Variants in SLAIN2 observed in about 807,000 individuals in gnomAD.
SLAIN2 encodes the protein SLAIN family member 2, also known as SLAIN motif-containing protein 2.
In SLAIN2, 31 loss-of-function variants were observed where a neutral mutation model predicts 56.6. The ratio of observed to expected loss-of-function variants is 0.55; its 90% CI spans 0.41 to 0.74. SLAIN2 has a LOEUF of 0.74. Among genes scored for constraint, SLAIN2 ranks in the 30% least tolerant of loss-of-function variants. The pLI is 0.00. For synonymous variants in SLAIN2, 317 were observed against 284.9 expected, an observed-to-expected ratio of 1.11 and a Z score of -1.13; for missense variants, 777 against 754.2, an observed-to-expected ratio of 1.03 and a Z score of -0.35.
intron 6 of SLAIN2, among the ~76,000 whole-genome samples, chr4:48,397,821 C>A (rs1379791057): frequency 6.6e-6 from 1 of 152,148 alleles, no homozygotes; most frequent in Non-Finnish European, 1.5e-5. Context: ...TATGTCCCTG[C>A]AAAGGACATG....
chr4:48,349,854 G>A (rs995302762), intron 1 of SLAIN2, among the ~76,000 whole-genome samples: 1 of 152,140 alleles, frequency 6.6e-6, no homozygotes, highest in Non-Finnish European at 1.5e-5. Flanking sequence ...CATAGGTGGA[G>A]CACTGTGCTG....
chr4:48,368,035 C>A (rs1029160560), intron 1 of SLAIN2, among the ~76,000 whole-genome samples: 2 of 93,724 alleles, frequency 2.1e-5, no homozygotes, highest in Non-Finnish European at 4.2e-5. Context: ...ATTCACTGAA[C>A]GTAGTGTTTT....
intron 5 of SLAIN2, 100 bp from the exon 6 acceptor site, chr4:48,383,547 G>C: frequency 9.2e-7 from 1 of 1,085,988 alleles, no homozygotes; most frequent in Non-Finnish European, 1.3e-6. Flanking sequence ...AAAATAAACA[G>C]AATGTTTGAT....
At chr4:48,403,754 T>TC (rs1716619145) in intron 6 of SLAIN2, among the ~76,000 whole-genome samples, 1 of 152,178 alleles carries the variant, frequency 6.6e-6, no homozygotes, top group Non-Finnish European at 1.5e-5. Context: ...CCTAGGGTAA[T>TC]GCATGGAGGG....
chr4:48,394,356 C>T (rs1367236748), intron 6 of SLAIN2, among the ~76,000 whole-genome samples: 1 of 152,128 alleles, frequency 6.6e-6, no homozygotes, highest in Non-Finnish European at 1.5e-5. Flanking sequence ...GTAAGAAACT[C>T]TTTTTTAAAG....
rs187784977 is a variant in SLAIN2, at chr4:48,358,595, C to T, written c.390-11254C>T. Among the ~76,000 whole-genome samples, 1,407 of 152,232 alleles carry T rather than the reference C, an allele frequency of 9.2e-3. 11 individuals carry two copies. Among genetic ancestry groups the T allele is most frequent in the Non-Finnish European group, 0.015 (1,002 of 68,006 alleles). On this transcript the variant is annotated intron_variant, in intron 1 of 7. Coordinates refer to ENST00000264313, the MANE Select transcript of SLAIN2 (RefSeq NM_020846.2). The stretch of plus-strand genomic sequence containing the variant: ...TCTCCCAGAGTGCTGGGATTACAGG[C>T]GTGAGCCACTGCGCGCGGCCCAACA...
intron 6 of SLAIN2, among the ~76,000 whole-genome samples, chr4:48,385,965 G>C (rs1416348631): frequency 6.7e-6 from 1 of 149,466 alleles, no homozygotes; most frequent in Non-Finnish European, 1.5e-5. Context: ...TAATTACCCA[G>C]GCATGATGGT....
chr4:48,342,160 G>A (rs1714729188), intron 1 of SLAIN2, 32 bp downstream of exon 1: 4 of 1,334,386 alleles, frequency 3.0e-6, no homozygotes, highest in Non-Finnish European at 3.8e-6. Flanking sequence ...GGAGCTGGGC[G>A]GGGACGGGCC....
rs1715866525 is a variant in SLAIN2 at position 48,377,969 on chromosome 4, C to T, written c.612C>T (p.Ala204=). ...MSYTSPYSPN[A]SSPYSSGFNS... ...ACACCAGTCCTTACAGTCCAAATGC[C>T]AGTAGCCCATACAGCAGTGGCTTCA... Residue 204 remains alanine (A), a synonymous_variant, in exon 3 of 8, where the codon GCC becomes GCT. Transcript: ENST00000264313. The T allele has an allele frequency of 1.2e-6, 2 of 1,613,774 alleles. No homozygotes were observed. The highest frequency in any genetic ancestry group is 2.7e-5 in the African/African-American group (2 of 74,896).
Position 48,356,979 on chromosome 4 carries a change from C to T in SLAIN2, c.390-12870C>T, listed in dbSNP as rs144446070. Among the ~76,000 whole-genome samples, 1,091 of 152,126 alleles carry T rather than the reference C, an allele frequency of 7.2e-3. 6 individuals are homozygous for T. The highest frequency in any genetic ancestry group is 0.011 in the Admixed American group (167 of 15,270). On this transcript the variant is annotated intron_variant, in intron 1 of 7. Transcript: ENST00000264313. ...CATACTGTTTATATACACATATATT[C>T]TACCCTGCAACTAATGTCACTTCAG...
At chr4:48,344,929 A>G (rs114347231) in intron 1 of SLAIN2, among the ~76,000 whole-genome samples, 1,742 of 152,238 alleles carry the variant, frequency 0.011, 17 homozygotes, top group Non-Finnish European at 0.018. Context: ...CACTTGAAAA[A>G]CACTGTTTCT....
chr4:48,415,366 A>C lies in SLAIN2; in HGVS notation c.1361-4759A>C, dbSNP rs1391673371. Among the ~76,000 whole-genome samples, 198 of 66,122 alleles carry C rather than the reference A, an allele frequency of 3.0e-3. 33 individuals are homozygous for C. Among genetic ancestry groups the C allele is most frequent in the African/African-American group, 9.7e-3 (192 of 19,696 alleles). 43.4% of individuals were successfully genotyped at this position (66,122 alleles called of 152,430 possible). A position where few individuals can be genotyped will look rare whatever the true frequency, so the allele number is the denominator to read the frequency against. ...GCTGCATAAATGTCTTCTTTTGAGAAGTGTCTGTTCATATCCTTCACCCAC... is the reference window on the plus strand; with the variant it reads ...GCTGCATAAATGTCTTCTTTTGAGACGTGTCTGTTCATATCCTTCACCCAC... On this transcript the variant is annotated intron_variant, in intron 6 of 7. Coordinates refer to ENST00000264313, the MANE Select transcript of SLAIN2 (RefSeq NM_020846.2).
intron 6 of SLAIN2, 118 bp downstream of exon 6, chr4:48,383,902 C>A: frequency 9.0e-7 from 1 of 1,114,050 alleles, no homozygotes; most frequent in Non-Finnish European, 1.3e-6. Flanking sequence ...TAAACCATAG[C>A]TATAGTAAAA....
intron 1 of SLAIN2, among the ~76,000 whole-genome samples, chr4:48,366,705 C>G (rs1296823499): frequency 1.3e-5 from 2 of 152,168 alleles, no homozygotes; most frequent in Non-Finnish European, 2.9e-5. Context: ...TTAATCCAGT[C>G]TATCTGCATT....
chr4:48,384,155 C>A (rs1364992981), intron 6 of SLAIN2, among the ~76,000 whole-genome samples: 2 of 152,124 alleles, frequency 1.3e-5, no homozygotes, highest in African/African-American at 4.8e-5. Flanking sequence ...CGTAAATTTT[C>A]TTTAATAACC....
chr4:48,382,139 T>A (rs1236870632), intron 4 of SLAIN2, among the ~76,000 whole-genome samples: 1 of 152,214 alleles, frequency 6.6e-6, no homozygotes, highest in African/African-American at 2.4e-5. Flanking sequence ...TAAGATTATT[T>A]CAGTAATTAA....
Position 48,341,974 on chromosome 4 carries a change from C to G in SLAIN2, c.235C>G (p.Pro79Ala), listed in dbSNP as rs1384193113. The G allele has an allele frequency of 3.5e-6, 5 of 1,432,140 alleles. No homozygotes were observed. The highest frequency in any genetic ancestry group is 4.5e-6 in the Non-Finnish European group (5 of 1,099,116). 88.7% of individuals were successfully genotyped at this position (1,432,140 alleles called of 1,614,324 possible). A position where few individuals can be genotyped will look rare whatever the true frequency, so the allele number is the denominator to read the frequency against. ...LGLSAKSGGG[P>A]GSGPRRTSSE... ...CCTCAGCGCCAAGTCGGGCGGCGGGCCCGGGTCGGGCCCGAGGCGGACGAG... is the reference window on the plus strand; with the variant it reads ...CCTCAGCGCCAAGTCGGGCGGCGGGGCCGGGTCGGGCCCGAGGCGGACGAG... The change falls in exon 1 of 8, where the codon CCC becomes GCC. Residue 79 changes from proline to alanine, a missense_variant. By Grantham distance (27) the Pro-to-Ala change is conservative. Transcript: ENST00000264313.
chr4:48,347,469 G>A (rs544140828), intron 1 of SLAIN2, among the ~76,000 whole-genome samples: 1 of 151,928 alleles, frequency 6.6e-6, no homozygotes, highest in Non-Finnish European at 1.5e-5. Context: ...GGCTGGTCTC[G>A]AACTCCTGGG....
chr4:48,409,549 C>T (rs1716792423), intron 6 of SLAIN2, among the ~76,000 whole-genome samples: 2 of 152,214 alleles, frequency 1.3e-5, no homozygotes. Context: ...CCATTCATCA[C>T]TTGGTGGATA....
Sources: allele counts gnomAD v4.1 joint callset (sites outside exome capture counted in the v4.1 genomes callset), GRCh38; gene constraint gnomAD v4.1.1; transcripts MANE v1.5; gene names NCBI Gene and HGNC (gene_info 2026-07-23, HGNC 2026-07-21).